The following BICD2 variants were observed in gnomAD, a reference collection of about 807,000 sequenced individuals.
BICD2 encodes the protein protein bicaudal D homolog 2.
In BICD2, 25 loss-of-function variants were observed where a neutral mutation model predicts 72.9. The ratio of observed to expected loss-of-function variants is 0.34; its 90% confidence interval spans 0.25 to 0.48. The LOEUF (loss-of-function observed/expected upper bound fraction) is 0.48. Among genes scored for constraint, BICD2 ranks in the 20% least tolerant of loss-of-function variants. The pLI, the probability that BICD2 is intolerant of heterozygous loss-of-function variation, is 0.99. For missense variants in BICD2, 894 were observed against 1,175.2 expected (o/e 0.76, Z 3.50); for synonymous variants, 501 against 516.1 (o/e 0.97, Z 0.40).
At chr9:92,718,125 G>A (rs943906972) in intron 5 of BICD2, among the ~76,000 whole-genome samples, 177 bp from the exon 6 acceptor site, 8 of 152,172 alleles carry the variant, frequency 5.3e-5, no homozygotes, top group Non-Finnish European at 8.8e-5. Context: ...TACGCCATGG[G>A]GAGTCCCACC....
chr9:92,715,195 G>A lies in BICD2; in HGVS notation c.2527C>T (p.Gln843Ter), dbSNP rs763836233. Reference protein sequence around the residue: ...DRAEGTGLANQVFCSEKHSIY... With the variant: ...DRAEGTGLAN Reference sequence around the variant, plus strand: ...CTGTGCTTCTCGCTGCAGAACACCTGGTTGGCCAGCCCGGTGCCCTCGGCC... The same window carrying A: ...CTGTGCTTCTCGCTGCAGAACACCTAGTTGGCCAGCCCGGTGCCCTCGGCC... The change falls in exon 7 of 7, where the codon CAG (glutamine) becomes TAG (stop). Residue 843 changes from glutamine (Q) to a stop codon, truncating the protein, a stop_gained. Transcript: ENST00000356884. LOFTEE classifies it high-confidence loss of function. 6.2e-6 allele frequency: 10 copies of A among 1,609,312 alleles called. No individual in the cohort carries two copies. The highest frequency in any genetic ancestry group is 4.0e-5 in the African/African-American group (3 of 74,880).
intron 1 of BICD2, among the ~76,000 whole-genome samples, chr9:92,743,437 C>G (rs535654437): frequency 6.6e-6 from 1 of 150,822 alleles, no homozygotes; most frequent in Admixed American, 6.7e-5. Flanking sequence ...CTCAAGTGAG[C>G]CCCCACTTTG....
Position 92,718,652 on chromosome 9 carries a change from C to T in BICD2, c.1993G>A (p.Val665Met), listed in dbSNP as rs587777885. Residue 665 changes from valine (V) to methionine (M), a missense_variant, in exon 5 of 7, where the codon GTG becomes ATG. Physicochemically the swap from Val to Met is conservative, Grantham distance 21 (BLOSUM62 1). Coordinates refer to ENST00000356884, the MANE Select transcript of BICD2 (RefSeq NM_001003800.2). ...RIASQELGPA[V>M]DKDKEALMEE... ...ATAAGCGCTTCCTTGTCCTTGTCCACGGCGGGGCCCAGCTCCTGAGAGGCA... is the reference window on the plus strand; with the variant it reads ...ATAAGCGCTTCCTTGTCCTTGTCCATGGCGGGGCCCAGCTCCTGAGAGGCA... 1.2e-5 allele frequency: 19 copies of T among 1,613,850 alleles called. No individual in the cohort carries two copies. Among genetic ancestry groups the T allele is most frequent in the South Asian group, 4.4e-5 (4 of 91,082 alleles).
rs895289803 is a variant in BICD2 at position 92,713,512 on chromosome 9, T to A, written c.*1642A>T. The A allele has an allele frequency of 3.2e-6, 5 of 1,569,388 alleles. No individual in the cohort carries two copies. Among genetic ancestry groups the A allele is most frequent in the African/African-American group, 1.3e-5 (1 of 74,086 alleles). ...TAGAAAGCGGTCATCTGTCGCTTCC[T>A]GTTTATCTGACAATTGAAGCTCTCC... On this transcript the variant is annotated 3_prime_UTR_variant, in exon 7 of 7. Transcript: ENST00000356884.
chr9:92,763,924 A>C (rs1167090988), intron 1 of BICD2, among the ~76,000 whole-genome samples: 1 of 152,218 alleles, frequency 6.6e-6, no homozygotes, highest in Admixed American at 6.5e-5. Flanking sequence ...CTCCACGTGC[A>C]ACCCCGAGCC....
At chr9:92,729,290 A>AT in intron 1 of BICD2, 54 bp from the exon 2 acceptor site, 1 of 1,576,340 alleles carries the variant, frequency 6.3e-7, no homozygotes, top group East Asian at 2.2e-5. Context: ...GCGCCGAAGG[A>AT]TAGAGACCCA....
chr9:92,713,729 C>CTGGG lies in BICD2; in HGVS notation c.*1421_*1424dup. 7.3e-7 allele frequency: 1 copy of CTGGG among 1,362,440 alleles called. No individual in the cohort carries two copies. The highest frequency in any genetic ancestry group is 1.6e-5 in the South Asian group (1 of 63,800). The allele number at this position is 1,362,440 out of a possible 1,614,324, so 84.4% of individuals were successfully genotyped here. Reference sequence around the variant, plus strand: ...AGCAGCCATCCCACTGCGAGTCTTGCTGGGGCAGGGGGATCTGGGCCCAGG... The same window carrying CTGGG: ...AGCAGCCATCCCACTGCGAGTCTTGCTGGGTGGGGCAGGGGGATCTGGGCCCAGG... On this transcript the variant is annotated 3_prime_UTR_variant, in exon 7 of 7. Coordinates refer to ENST00000356884, the MANE Select transcript of BICD2 (RefSeq NM_001003800.2).
chr9:92,739,011 G>T (rs527879415), intron 1 of BICD2, among the ~76,000 whole-genome samples: 1 of 137,254 alleles, frequency 7.3e-6, no homozygotes, highest in South Asian at 2.9e-4. Flanking sequence ...TCCTGGGAAC[G>T]GCGGGCCTGG....
chr9:92,763,074 A>G (rs1232421438), intron 1 of BICD2, among the ~76,000 whole-genome samples: 2 of 152,162 alleles, frequency 1.3e-5, no homozygotes, highest in Non-Finnish European at 2.9e-5. Context: ...AGAAGGTGCC[A>G]ATACCTGCTG....
At chr9:92,745,616 A>G (rs1853994434) in intron 1 of BICD2, among the ~76,000 whole-genome samples, 1 of 152,092 alleles carries the variant, frequency 6.6e-6, no homozygotes, top group African/African-American at 2.4e-5. Flanking sequence ...GATAAGCAAG[A>G]AGACTCTGGG....
At chr9:92,756,091 C>T (rs1421549098) in intron 1 of BICD2, among the ~76,000 whole-genome samples, 1 of 151,934 alleles carries the variant, frequency 6.6e-6, no homozygotes. Context: ...TTCCTCCCTT[C>T]TGGTTTAGAA....
At position 92,719,538 on chromosome 9, in the gene BICD2, T is replaced by C. The variant is rs1430715621; in HGVS notation, c.1107A>G (p.Thr369=). ...KAGLLATLQD[T]QKQLEHTRGS... ...CCCGCGTGTGCTCCAGCTGCTTCTGTGTGTCCTGCAGCGTTGCCAGCAGGC... is the reference window on the plus strand; with the variant it reads ...CCCGCGTGTGCTCCAGCTGCTTCTGCGTGTCCTGCAGCGTTGCCAGCAGGC... Residue 369 remains threonine (T), a synonymous_variant, in exon 5 of 7, where the codon ACA becomes ACG. Transcript: ENST00000356884. 6.2e-7 allele frequency: 1 copy of C among 1,612,464 alleles called. No homozygotes were observed. The highest frequency in any genetic ancestry group is 1.7e-5 in the Admixed American group (1 of 59,976).
chr9:92,764,739 C>G lies in BICD2; in HGVS notation c.6G>C (p.Ser2=), dbSNP rs2131542810. 1 of 1,567,544 alleles carries G rather than the reference C, an allele frequency of 6.4e-7. No homozygotes were observed. Among genetic ancestry groups the G allele is most frequent in the Non-Finnish European group, 8.6e-7 (1 of 1,165,978 alleles). The change falls in exon 1 of 7, where the codon TCG becomes TCC. Residue 2 remains serine, a synonymous_variant. Coordinates refer to ENST00000356884, the MANE Select transcript of BICD2 (RefSeq NM_001003800.2). This position sits in a 1 kb window ranked among gnomAD's most constrained non-coding sequence, Gnocchi z 5.5. M[S]APSEEEEYAR... is the part of the protein sequence containing the mutation. ...CGTACTCCTCCTCCTCCGACGGCGC[C>G]GACATGGTGGCCGAGGGCTGAGCCG...
rs535225727 is a variant in BICD2 at position 92,764,318 on chromosome 9, C to A, written c.240+187G>T. On this transcript the variant is annotated intron_variant, in intron 1 of 6. Transcript: ENST00000356884. The surrounding 1 kb of genome is among the most constrained non-coding windows in gnomAD (Gnocchi z 5.5). Reference sequence around the variant, plus strand: ...CCTGCATTAGCGGCGTCTGCAACGGCCGCGGCACCGGCCTGCTAGCCAAGG... The same window carrying A: ...CCTGCATTAGCGGCGTCTGCAACGGACGCGGCACCGGCCTGCTAGCCAAGG... 2.0e-5 allele frequency among the ~76,000 whole-genome samples: 3 copies of A among 152,288 alleles called. No homozygotes were observed. The East Asian group carries it at 5.8e-4, about 30-fold the overall frequency.
chr9:92,732,147 A>C (rs1295884879), intron 1 of BICD2, among the ~76,000 whole-genome samples: 3 of 152,276 alleles, frequency 2.0e-5, no homozygotes, highest in Non-Finnish European at 4.4e-5. Flanking sequence ...AAAAAGATCC[A>C]GATAGAACTT....
At chr9:92,735,346 G>C (rs1277840903) in intron 1 of BICD2, among the ~76,000 whole-genome samples, 1 of 152,062 alleles carries the variant, frequency 6.6e-6, no homozygotes, top group South Asian at 2.1e-4. Context: ...ACAGACGCTG[G>C]GTCTATCAAA....
chr9:92,756,396 G>C (rs928586331), intron 1 of BICD2, among the ~76,000 whole-genome samples: 2 of 151,890 alleles, frequency 1.3e-5, no homozygotes, highest in African/African-American at 4.8e-5. Context: ...CAAGTAGCTG[G>C]GACTACAGGT....
rs370805621 is a variant in BICD2, at chr9:92,719,592, C to T, written c.1063-10G>A. On this transcript the variant is annotated splice_polypyrimidine_tract_variant and intron_variant, in intron 4 of 6. Transcript: ENST00000356884. ...CCTTTTCCCGCTCCATCTGCAAAGG[C>T]ACAGGCAGCAGGACACCATGTCAGT... 4 of 1,587,572 alleles carry T rather than the reference C, an allele frequency of 2.5e-6. No individual in the cohort carries two copies. The highest frequency in any genetic ancestry group is 2.3e-5 in the East Asian group (1 of 44,442).
In BICD2 at chr9:92,719,596, GGCA is replaced by G; in HGVS notation, c.1063-17_1063-15del. On this transcript the variant is annotated splice_polypyrimidine_tract_variant and intron_variant, in intron 4 of 6. Transcript: ENST00000356884. ...TTCCCGCTCCATCTGCAAAGGCACAGGCAGCAGGACACCATGTCAGTTGCTATG... is the reference window on the plus strand; with the variant it reads ...TTCCCGCTCCATCTGCAAAGGCACAGGCAGGACACCATGTCAGTTGCTATG... The G allele has an allele frequency of 1.3e-6, 2 of 1,583,810 alleles. No homozygotes were observed. The highest frequency in any genetic ancestry group is 1.7e-6 in the Non-Finnish European group (2 of 1,167,956).
Sources: gnomAD v4.1 joint callset for allele counts (sites outside exome capture counted in the v4.1 genomes callset) on GRCh38, gnomAD v4.1.1 for gene constraint, Gnocchi (gnomAD v3.1) non-coding constraint, MANE v1.5 for transcripts, NCBI Gene and HGNC (gene_info 2026-07-23, HGNC 2026-07-21) for gene names.